SCML2: variants seen among roughly 807,000 people sequenced by gnomAD.
SCML2 encodes the protein Scm polycomb group protein like 2.
A neutral mutation model predicts 48.4 loss-of-function variants in SCML2; 6 were observed. That is an observed-to-expected ratio of 0.12 (90% confidence interval 0.07 to 0.24). The LOEUF is 0.24. SCML2 is among the 10% of genes least tolerant of loss of function. The pLI is 1.00. For missense variants in SCML2, 377 were observed against 528.2 expected (o/e 0.71, Z 2.81); for synonymous variants, 181 against 189.5 (o/e 0.95, Z 0.37).
At chrX:18,300,015 T>C (rs953654642) in intron 7 of SCML2, among the ~76,000 whole-genome samples, 1 of 111,185 alleles carries the variant, frequency 9.0e-6, no homozygotes, top group Admixed American at 9.6e-5. Flanking sequence ...GTAGAGATTA[T>C]AGGGTAAGCC....
intron 2 of SCML2, 118 bp downstream of exon 2, chrX:18,333,932 T>C: frequency 1.8e-6 from 1 of 567,747 alleles, no homozygotes; most frequent in Non-Finnish European, 2.7e-6. Flanking sequence ...TCTAAGCACC[T>C]AGCATCTCCT....
intron 7 of SCML2, among the ~76,000 whole-genome samples, chrX:18,287,120 T>C (rs1421297296): frequency 9.0e-6 from 1 of 111,421 alleles, no homozygotes; most frequent in East Asian, 2.8e-4. Flanking sequence ...ACCAAAGATA[T>C]CAGTTTTACA....
intron 7 of SCML2, among the ~76,000 whole-genome samples, chrX:18,294,613 C>T (rs1025889409): frequency 2.7e-5 from 3 of 110,941 alleles, no homozygotes; most frequent in African/African-American, 9.9e-5. Flanking sequence ...TGAAGCCCAA[C>T]AACCCCTACA....
intron 1 of SCML2, chrX:18,341,103 C>G (rs1469002280): frequency 6.1e-6 from 1 of 163,891 alleles, no homozygotes. Flanking sequence ...GGCCTTGGGG[C>G]TGCCAGCAGG....
At chrX:18,254,275 A>G (rs1926762977) in intron 11 of SCML2, among the ~76,000 whole-genome samples, 2 of 112,292 alleles carry the variant, frequency 1.8e-5, no homozygotes, top group African/African-American at 3.2e-5. Context: ...ATTTTAAAAA[A>G]TGTAAGAGAA....
chrX:18,276,300 A>G (rs1470910936), intron 7 of SCML2, among the ~76,000 whole-genome samples: 1 of 65,449 alleles, frequency 1.5e-5, no homozygotes, highest in Non-Finnish European at 3.1e-5. Context: ...TCTCAAGAAG[A>G]AAAAAAAAAA....
intron 10 of SCML2, 62 bp from the exon 11 acceptor site, chrX:18,257,092 A>T (rs772175712): frequency 7.4e-5 from 51 of 685,368 alleles, no homozygotes; most frequent in Non-Finnish European, 7.7e-5. Context: ...AACACTAATT[A>T]AAAAAAAAAC....
intron 7 of SCML2, among the ~76,000 whole-genome samples, chrX:18,278,191 A>G (rs183580751): frequency 9.0e-6 from 1 of 111,690 alleles, no homozygotes; most frequent in Admixed American, 9.5e-5. Flanking sequence ...GAGACACCAA[A>G]TTATCAACTA....
intron 11 of SCML2, among the ~76,000 whole-genome samples, chrX:18,251,420 A>C (rs1276534057): frequency 1.8e-5 from 2 of 110,298 alleles, no homozygotes; most frequent in African/African-American, 6.6e-5. Context: ...TATCCAGAAT[A>C]TACGAAGAAC....
At chrX:18,255,934 T>C (rs746118538) in intron 11 of SCML2, among the ~76,000 whole-genome samples, 18 of 111,896 alleles carry the variant, frequency 1.6e-4, no homozygotes, top group Admixed American at 1.1e-3. Flanking sequence ...CCATGATCAA[T>C]AGAACACAGT....
At chrX:18,350,577 GAA>G (rs201932466) in intron 1 of SCML2, among the ~76,000 whole-genome samples, 64 of 81,327 alleles carry the variant, frequency 7.9e-4, no homozygotes, top group Admixed American at 2.6e-3. Flanking sequence ...CTCCATCTCG[GAA>G]AAAAAAAAAA....
chrX:18,284,128 G>C (rs1486043274), intron 7 of SCML2, among the ~76,000 whole-genome samples: 1 of 111,756 alleles, frequency 8.9e-6, no homozygotes, highest in Non-Finnish European at 1.9e-5. Context: ...ACAACCATCT[G>C]ATCTTGTGCA....
chrX:18,257,086 C>A, intron 10 of SCML2, 56 bp from the exon 11 acceptor site: 5 of 808,379 alleles, frequency 6.2e-6, no homozygotes, highest in African/African-American at 4.2e-5. Flanking sequence ...AAATACAACA[C>A]TAATTAAAAA....
chrX:18,298,232 T>C (rs1928460078), intron 7 of SCML2, among the ~76,000 whole-genome samples: 1 of 111,394 alleles, frequency 9.0e-6, no homozygotes, highest in South Asian at 3.8e-4. Context: ...TTTATCAAAA[T>C]ACCAATGTCA....
chrX:18,283,742 T>C (rs1415184431), intron 7 of SCML2, among the ~76,000 whole-genome samples: 1 of 111,425 alleles, frequency 9.0e-6, no homozygotes, highest in Non-Finnish European at 1.9e-5. Flanking sequence ...AGGTGAAAGA[T>C]TTCTACAAGA....
chrX:18,283,987 T>C (rs2147502218), intron 7 of SCML2, among the ~76,000 whole-genome samples: 1 of 111,918 alleles, frequency 8.9e-6, no homozygotes, highest in South Asian at 3.7e-4. Context: ...AAAGCAATCC[T>C]ACACAAAAAA....
intron 7 of SCML2, among the ~76,000 whole-genome samples, chrX:18,268,770 T>TAA (rs1240239787): frequency 1.0e-5 from 1 of 100,328 alleles, no homozygotes; most frequent in Non-Finnish European, 2.0e-5. Context: ...AGTATAATAA[T>TAA]AAAAAAAAAA....
At chrX:18,252,341 C>T (rs1011647116) in intron 11 of SCML2, among the ~76,000 whole-genome samples, 2 of 112,413 alleles carry the variant, frequency 1.8e-5, no homozygotes, top group Non-Finnish European at 3.8e-5. Flanking sequence ...ACAAAGGTTG[C>T]ATATTATATG....
intron 1 of SCML2, among the ~76,000 whole-genome samples, chrX:18,349,088 C>T (rs746201924): frequency 8.9e-6 from 1 of 112,407 alleles, no homozygotes; most frequent in Non-Finnish European, 1.9e-5. Context: ...ATTCTAAACA[C>T]AACCAAAGAG....
Sources: gnomAD v4.1 joint callset for allele counts (sites outside exome capture counted in the v4.1 genomes callset) on GRCh38, gnomAD v4.1.1 for gene constraint, MANE v1.5 for transcripts, NCBI Gene and HGNC (gene_info 2026-07-23, HGNC 2026-07-21) for gene names.